The following MDGA2 variants were observed in gnomAD, a reference collection of about 807,000 sequenced individuals.
MDGA2 encodes MAM domain containing glycosylphosphatidylinositol anchor 2, also known as MAM domain-containing glycosylphosphatidylinositol anchor protein 2.
Under a neutral mutation model 117.8 loss-of-function variants are expected in MDGA2, and 40 were observed. The ratio of observed to expected loss-of-function variants is 0.34; its 90% confidence interval spans 0.26 to 0.44. The LOEUF (loss-of-function observed/expected upper bound fraction) is 0.44. MDGA2 is among the 20% of genes least tolerant of loss of function. The probability of loss-of-function intolerance (pLI) is 1.00; values close to 1 mark genes in which losing one functional copy is unlikely to be tolerated. For synonymous variants in MDGA2, 452 were observed against 439.0 expected (o/e 1.03, Z -0.37); for missense variants, 1,123 against 1,250.6 (o/e 0.90, Z 1.54).
intron 9 of MDGA2, among the ~76,000 whole-genome samples, chr14:46,945,569 A>T (rs1026295618): frequency 2.0e-5 from 3 of 152,054 alleles, no homozygotes; most frequent in Non-Finnish European, 2.9e-5. Flanking sequence ...CTTCTTCTAC[A>T]GAGTTTTTTA....
At chr14:47,380,096 A>G (rs1046545287) in intron 1 of MDGA2, among the ~76,000 whole-genome samples, 1 of 152,204 alleles carries the variant, frequency 6.6e-6, no homozygotes, top group Admixed American at 6.6e-5. Flanking sequence ...CTACATGGAA[A>G]CTGAACAACC....
chr14:47,043,148 G>T (rs1889137509), intron 7 of MDGA2, among the ~76,000 whole-genome samples: 1 of 151,940 alleles, frequency 6.6e-6, no homozygotes, highest in Admixed American at 6.6e-5. Context: ...ACAGTAATGT[G>T]TGCTTGAGAG....
chr14:47,605,887 G>C (rs188949195), intron 1 of MDGA2, among the ~76,000 whole-genome samples: 3 of 151,840 alleles, frequency 2.0e-5, no homozygotes, highest in African/African-American at 7.3e-5. Flanking sequence ...CCACTCTTTA[G>C]TGTGGCCTTG....
rs574763801 is a variant in MDGA2, at chr14:47,241,422, T to C, written c.421-23227A>G. Reference sequence around the variant, plus strand: ...CTTAGAAAAATCCTATCTTTTCCATTAAAATGTCAATTCCTTCACAGGATA... The same window carrying C: ...CTTAGAAAAATCCTATCTTTTCCATCAAAATGTCAATTCCTTCACAGGATA... On this transcript the variant is annotated intron_variant, in intron 2 of 16. Coordinates refer to ENST00000399232, the MANE Select transcript of MDGA2 (RefSeq NM_001113498.3). Among the ~76,000 whole-genome samples the C allele has an allele frequency of 9.8e-4, 149 of 152,016 alleles. 1 individual carries two copies. Among genetic ancestry groups the C allele is most frequent in the Admixed American group, 4.3e-3 (66 of 15,276 alleles).
intron 1 of MDGA2, among the ~76,000 whole-genome samples, chr14:47,658,084 A>G (rs1897778696): frequency 1.3e-5 from 2 of 152,162 alleles, no homozygotes; most frequent in African/African-American, 2.4e-5. Context: ...CTTAGGGACA[A>G]TAGCAAAAGT....
At chr14:47,169,565 T>A (rs2139312643) in intron 3 of MDGA2, among the ~76,000 whole-genome samples, 1 of 152,016 alleles carries the variant, frequency 6.6e-6, no homozygotes, top group Non-Finnish European at 1.5e-5. Context: ...TTCCAAAAAT[T>A]GTCAACATGG....
chr14:47,495,722 G>A (rs1894269143), intron 1 of MDGA2, among the ~76,000 whole-genome samples: 2 of 152,134 alleles, frequency 1.3e-5, no homozygotes, highest in South Asian at 2.1e-4. Context: ...AACTATTCGA[G>A]TATTTCTCAC....
chr14:47,321,015 G>A (rs994931905), intron 1 of MDGA2, among the ~76,000 whole-genome samples: 1 of 152,130 alleles, frequency 6.6e-6, no homozygotes, highest in Non-Finnish European at 1.5e-5. Flanking sequence ...ACATCCTATC[G>A]TATATTATGG....
At chr14:47,283,340 T>A (rs887240700) in intron 2 of MDGA2, among the ~76,000 whole-genome samples, 1 of 152,204 alleles carries the variant, frequency 6.6e-6, no homozygotes, top group Non-Finnish European at 1.5e-5. Context: ...TGAATACTGG[T>A]ATGCTCTTCT....
intron 1 of MDGA2, among the ~76,000 whole-genome samples, chr14:47,372,465 T>C (rs1425211365): frequency 1.3e-5 from 2 of 151,876 alleles, no homozygotes; most frequent in Admixed American, 1.3e-4. Flanking sequence ...CTAATCAACA[T>C]ATGAAAAGAT....
Position 46,858,279 on chromosome 14 carries a change from C to T in MDGA2, c.2753-3125G>A, listed in dbSNP as rs924460937. On this transcript the variant is annotated intron_variant, in intron 14 of 16. Transcript: ENST00000399232. ...CTTTGTAGTATAATTCTTATTTAGTCCTAGCCCTTTAGTATAGTTTCTCTT... is the reference window on the plus strand; with the variant it reads ...CTTTGTAGTATAATTCTTATTTAGTTCTAGCCCTTTAGTATAGTTTCTCTT... Among the ~76,000 whole-genome samples, 71 of 151,178 alleles carry T rather than the reference C, an allele frequency of 4.7e-4. 1 individual carries two copies. The highest frequency in any genetic ancestry group is 1.7e-3 in the African/African-American group (70 of 41,378).
At position 47,571,753 on chromosome 14, in the gene MDGA2, G is replaced by A. The variant is rs538537531; in HGVS notation, c.280+102764C>T. 2.6e-3 allele frequency among the ~76,000 whole-genome samples: 400 copies of A among 151,626 alleles called. 2 individuals are homozygous for A. The highest frequency in any genetic ancestry group is 0.016 in the South Asian group (78 of 4,760). ...GGAACATCACACAGTGGGGCCTGTCGGGGGGCGGTCGGGGGATAGGGGAGG... is the reference window on the plus strand; with the variant it reads ...GGAACATCACACAGTGGGGCCTGTCAGGGGGCGGTCGGGGGATAGGGGAGG... On this transcript the variant is annotated intron_variant, in intron 1 of 16. Coordinates refer to ENST00000399232, the MANE Select transcript of MDGA2 (RefSeq NM_001113498.3).
intron 1 of MDGA2, among the ~76,000 whole-genome samples, chr14:47,492,413 T>C (rs889119517): frequency 3.9e-5 from 6 of 152,088 alleles, no homozygotes; most frequent in Non-Finnish European, 7.4e-5. Context: ...CAGACAGATA[T>C]CACACTCTCA....
intron 1 of MDGA2, among the ~76,000 whole-genome samples, chr14:47,408,784 A>C (rs1892312227): frequency 6.6e-6 from 1 of 152,160 alleles, no homozygotes; most frequent in Admixed American, 6.6e-5. Context: ...GATTAGTGTA[A>C]GGTTAGAGGG....
chr14:47,252,190 A>G (rs149036792), intron 2 of MDGA2, among the ~76,000 whole-genome samples: 95 of 152,282 alleles, frequency 6.2e-4, no homozygotes, highest in African/African-American at 2.1e-3. Flanking sequence ...GATTAAAGGT[A>G]GGATACAACA....
intron 8 of MDGA2, among the ~76,000 whole-genome samples, chr14:47,013,772 G>GTATGTATATATATATATATATATA (rs1555343312): frequency 1.1e-5 from 1 of 93,686 alleles, no homozygotes; most frequent in Non-Finnish European, 2.2e-5. Context: ...TAATTTCCTT[G>GTATGTATATATATATATATATATA]TATATATATA....
chr14:47,059,202 G>T, intron 7 of MDGA2: 1 of 851,976 alleles, frequency 1.2e-6, no homozygotes, highest in Non-Finnish European at 1.7e-6. Flanking sequence ...TACCTTCTAT[G>T]TGCCATGTAT....
At chr14:47,081,464 C>T (rs995750868) in intron 6 of MDGA2, among the ~76,000 whole-genome samples, 11 of 152,098 alleles carry the variant, frequency 7.2e-5, no homozygotes, top group African/African-American at 2.4e-4. Context: ...AACTTCTAAA[C>T]ATATAACATC....
chr14:47,218,918 A>G (rs914437095), intron 2 of MDGA2, among the ~76,000 whole-genome samples: 1 of 152,106 alleles, frequency 6.6e-6, no homozygotes, highest in Non-Finnish European at 1.5e-5. Context: ...TATTTTAAAC[A>G]CAGCTGTCTA....
Sources: gnomAD v4.1 joint callset for allele counts (sites outside exome capture counted in the v4.1 genomes callset) on GRCh38, gnomAD v4.1.1 for gene constraint, MANE v1.5 for transcripts, NCBI Gene and HGNC (gene_info 2026-07-23, HGNC 2026-07-21) for gene names.